Variants in RBFOX3 observed in about 807,000 individuals in gnomAD.
The protein encoded by RBFOX3 is RNA binding protein fox-1 homolog 3.
In RBFOX3, 17 loss-of-function variants were observed where a neutral mutation model predicts 48.7. That is an observed-to-expected ratio of 0.35 (90% CI 0.24 to 0.52). The LOEUF (loss-of-function observed/expected upper bound fraction) is 0.52, where lower values mean the gene tolerates loss of function less well. Among genes scored for constraint, RBFOX3 ranks in the 20% least tolerant of loss-of-function variants. The pLI is 0.94. For synonymous variants in RBFOX3, 212 were observed against 209.5 expected (o/e 1.01, Z -0.10); for missense variants, 382 against 497.5 (o/e 0.77, Z 2.21).
At position 79,347,990 on chromosome 17, in the gene RBFOX3, G is replaced by A. The variant is rs537170104; in HGVS notation, c.-174-40166C>T. ...GTAAGCCTGAGTGATCTCAGAGAGC[G>A]GTGGGTGAATGTACTCCAAGTGGAG... On this transcript the variant is annotated intron_variant, in intron 2 of 14. Coordinates refer to ENST00000693108, the MANE Select transcript of RBFOX3 (RefSeq NM_001350451.2). 7.2e-4 allele frequency among the ~76,000 whole-genome samples: 110 copies of A among 152,262 alleles called. 1 individual carries two copies. The highest frequency in any genetic ancestry group is 3.4e-3 in the Middle Eastern group (1 of 294).
chr17:79,536,191 C>T (rs546966989), intron 1 of RBFOX3, among the ~76,000 whole-genome samples: 1 of 152,334 alleles, frequency 6.6e-6, no homozygotes, highest in South Asian at 2.1e-4. Flanking sequence ...ATTCTCCTGC[C>T]TCAGCCTCCC....
intron 10 of RBFOX3, 66 bp downstream of exon 10, chr17:79,097,626 G>GC: frequency 1.6e-6 from 2 of 1,227,002 alleles, no homozygotes; most frequent in Non-Finnish European, 2.3e-6. Context: ...CGCCCCCAGA[G>GC]CCCCCGGAGC....
chr17:79,610,166 G>T (rs2145556765), intron 1 of RBFOX3, among the ~76,000 whole-genome samples: 1 of 152,066 alleles, frequency 6.6e-6, no homozygotes, highest in South Asian at 2.1e-4. Flanking sequence ...TGCGGGCCCC[G>T]CTCCTATTTG....
At chr17:79,338,895 T>C in intron 2 of RBFOX3, among the ~76,000 whole-genome samples, 1 of 152,202 alleles carries the variant, frequency 6.6e-6, no homozygotes, top group Non-Finnish European at 1.5e-5. Context: ...AGGCTATTGT[T>C]TGTGTTTGGC....
intron 1 of RBFOX3, among the ~76,000 whole-genome samples, chr17:79,562,363 G>C (rs1339692935): frequency 6.6e-6 from 1 of 152,178 alleles, no homozygotes; most frequent in African/African-American, 2.4e-5. Flanking sequence ...CTTGAGCCTT[G>C]TCTTTTTTTC....
chr17:79,413,807 G>C (rs35261445), intron 2 of RBFOX3, among the ~76,000 whole-genome samples: 42,319 of 152,194 alleles, frequency 0.28, 6,045 homozygotes, highest in Admixed American at 0.34. Context: ...CAGCAGCCAT[G>C]TGCACTGGCT....
the RBFOX3 span, among the ~76,000 whole-genome samples, chr17:79,661,919 C>T: frequency 3.3e-5 from 5 of 152,086 alleles, no homozygotes; most frequent in African/African-American, 4.8e-5. Context: ...CCAATATCTT[C>T]TTCCACTTGG....
intron 4 of RBFOX3, among the ~76,000 whole-genome samples, chr17:79,142,353 C>G (rs2042083343): frequency 6.6e-6 from 1 of 152,156 alleles, no homozygotes; most frequent in Non-Finnish European, 1.5e-5. Flanking sequence ...GAACATGGTT[C>G]ATTATGATTG....
intron 1 of RBFOX3, among the ~76,000 whole-genome samples, chr17:79,545,366 G>T (rs1555791589): frequency 2.0e-5 from 3 of 152,160 alleles, no homozygotes; most frequent in Non-Finnish European, 1.5e-5. Context: ...TGATTGGAAG[G>T]CTCCACAGCA....
At chr17:79,279,074 G>C (rs1899459724) in intron 3 of RBFOX3, among the ~76,000 whole-genome samples, 1 of 152,098 alleles carries the variant, frequency 6.6e-6, no homozygotes, top group Non-Finnish European at 1.5e-5. Context: ...ATTACTAGTG[G>C]CAGAGCTGGG....
chr17:79,095,689 A>C, intron 12 of RBFOX3, 115 bp from the exon 13 acceptor site: 9 of 858,180 alleles, frequency 1.0e-5, no homozygotes, highest in Non-Finnish European at 1.7e-5. Context: ...GAGGGACTAC[A>C]GACCTTCCCA....
chr17:79,303,365 GTC>G (rs1456573516), intron 3 of RBFOX3, among the ~76,000 whole-genome samples: 4 of 152,164 alleles, frequency 2.6e-5, no homozygotes, highest in Admixed American at 1.3e-4. Flanking sequence ...GGACAGCATC[GTC>G]TGAGTGGTCT....
intron 1 of RBFOX3, among the ~76,000 whole-genome samples, chr17:79,557,015 T>C (rs1465679159): frequency 6.6e-6 from 1 of 151,728 alleles, no homozygotes; most frequent in African/African-American, 2.4e-5. Context: ...AGGCCGAGGA[T>C]GGTGGATCAT....
At chr17:79,448,818 C>A (rs1293793192) in intron 2 of RBFOX3, among the ~76,000 whole-genome samples, 1 of 152,186 alleles carries the variant, frequency 6.6e-6, no homozygotes, top group Admixed American at 6.5e-5. Flanking sequence ...AGTAGGCCAT[C>A]TCCCTCTCCC....
chr17:79,176,656 G>A (rs2050612910), intron 4 of RBFOX3, among the ~76,000 whole-genome samples: 1 of 152,220 alleles, frequency 6.6e-6, no homozygotes, highest in Non-Finnish European at 1.5e-5. Flanking sequence ...TTGGCTGGAG[G>A]GGGTTTCCCA....
chr17:79,636,963 C>T, the RBFOX3 span, among the ~76,000 whole-genome samples: 12 of 152,148 alleles, frequency 7.9e-5, no homozygotes, highest in South Asian at 2.1e-4. Flanking sequence ...GAAAGTAAAG[C>T]GATGGGAAAG....
At chr17:79,100,736 C>T (rs111636537) in intron 9 of RBFOX3, among the ~76,000 whole-genome samples, 291 of 152,332 alleles carry the variant, frequency 1.9e-3, no homozygotes, top group African/African-American at 6.4e-3. Flanking sequence ...AGGCCCCCAA[C>T]GTACGCCTGC....
intron 2 of RBFOX3, among the ~76,000 whole-genome samples, chr17:79,377,132 G>A (rs1033141975): frequency 1.3e-5 from 2 of 152,108 alleles, no homozygotes; most frequent in African/African-American, 2.4e-5. Context: ...GGCTACTTCT[G>A]GGGCATGGCT....
intron 2 of RBFOX3, among the ~76,000 whole-genome samples, chr17:79,355,304 A>G (rs1206303502): frequency 6.6e-6 from 1 of 152,212 alleles, no homozygotes; most frequent in East Asian, 1.9e-4. Flanking sequence ...GGCTCTGGGG[A>G]GACGTGTTGT....
Sources: gnomAD v4.1 joint callset for allele counts (sites outside exome capture counted in the v4.1 genomes callset) on GRCh38, gnomAD v4.1.1 for gene constraint, MANE v1.5 for transcripts, NCBI Gene and HGNC (gene_info 2026-07-23, HGNC 2026-07-21) for gene names.